EXOC2: variants seen among roughly 807,000 people sequenced by gnomAD.
The protein encoded by EXOC2 is exocyst complex component 2.
A neutral mutation model predicts 131.8 loss-of-function variants in EXOC2; 70 were observed. The ratio of observed to expected loss-of-function variants is 0.53; its 90% CI spans 0.44 to 0.65. EXOC2 has a LOEUF of 0.65. Ranked by LOEUF, EXOC2 falls within the 30% of genes least tolerant of loss-of-function variation. The pLI is 0.00. For missense variants in EXOC2, 923 were observed against 1,108.6 expected (o/e 0.83, Z 2.38); for synonymous variants, 411 against 398.4 (o/e 1.03, Z -0.38).
At chr6:499,775 C>T in intron 23 of EXOC2, 75 bp from the exon 24 acceptor site, 3 of 1,219,968 alleles carry the variant, frequency 2.5e-6, no homozygotes, top group Non-Finnish European at 3.6e-6. Context: ...GCAGGCTGTA[C>T]CCCATGCTTT....
chr6:681,462 TC>T (rs965848586), intron 1 of EXOC2, among the ~76,000 whole-genome samples: 10 of 151,946 alleles, frequency 6.6e-5, no homozygotes, highest in African/African-American at 2.4e-4. Flanking sequence ...GTCTCCTTTC[TC>T]CCCCCACCAA....
rs909723426 is a variant in EXOC2 at position 485,791 on chromosome 6, G to C, written c.*880C>G. ...ATCCTTCAGCAGGTAAGAAGTGGCA[G>C]AGACAGTCACCTGCTGAAGGAGCGG... On this transcript the variant is annotated 3_prime_UTR_variant, in exon 28 of 28. Transcript: ENST00000230449. 1.3e-5 allele frequency: 2 copies of C among 152,252 alleles called. No individual in the cohort carries two copies. The highest frequency in any genetic ancestry group is 4.8e-5 in the African/African-American group (2 of 41,458). 9.4% of individuals were successfully genotyped at this position (152,252 alleles called of 1,614,324 possible). A position where few individuals can be genotyped will look rare whatever the true frequency, so the allele number is the denominator to read the frequency against.
At chr6:650,171 A>G (rs1188026328) in intron 1 of EXOC2, among the ~76,000 whole-genome samples, 4 of 152,256 alleles carry the variant, frequency 2.6e-5, no homozygotes, top group Non-Finnish European at 4.4e-5. Context: ...TGTAATGAAC[A>G]AAAGTATATC....
At chr6:656,316 G>T in intron 1 of EXOC2, 1 of 1,614,168 alleles carries the variant, frequency 6.2e-7, no homozygotes, top group East Asian at 2.2e-5. Context: ...CGACTGGGGA[G>T]GGTTTCCAAG....
chr6:572,481 G>A, intron 13 of EXOC2, 39 bp downstream of exon 13: 1 of 1,579,464 alleles, frequency 6.3e-7, no homozygotes, highest in Non-Finnish European at 8.6e-7. Context: ...GAAATGCACG[G>A]TGACTCAGCT....
Position 551,429 on chromosome 6 carries a change from T to C in EXOC2, c.2122-2138A>G, listed in dbSNP as rs558925099. Among the ~76,000 whole-genome samples, 45 of 152,328 alleles carry C rather than the reference T, an allele frequency of 3.0e-4. No individual in the cohort carries two copies. In the South Asian group the frequency reaches 3.9e-3, roughly 13 times the overall value. On this transcript the variant is annotated intron_variant, in intron 21 of 27. Coordinates refer to ENST00000230449, the MANE Select transcript of EXOC2 (RefSeq NM_018303.6). ...TTGGTCACAAAAAAACACTGGAGAC[T>C]AAGGCAGGAGAGAGGAGGCCCTGCA...
chr6:562,297 CA>C (rs147238283), intron 17 of EXOC2, among the ~76,000 whole-genome samples: 7,046 of 152,286 alleles, frequency 0.046, 256 homozygotes, highest in Non-Finnish European at 0.065. Context: ...CCCGTGAAAT[CA>C]TGAAGATGAT....
chr6:630,532 G>A (rs538046001), intron 3 of EXOC2, among the ~76,000 whole-genome samples: 5 of 152,194 alleles, frequency 3.3e-5, no homozygotes, highest in South Asian at 2.1e-4. Flanking sequence ...ATTTAATACT[G>A]TGAGTTTCTG....
At chr6:488,804 C>T (rs1429659080) in intron 27 of EXOC2, among the ~76,000 whole-genome samples, 175 bp downstream of exon 27, 1 of 152,186 alleles carries the variant, frequency 6.6e-6, no homozygotes, top group Non-Finnish European at 1.5e-5. Context: ...ATGCAAGTTA[C>T]AGGTGACGAG....
intron 22 of EXOC2, among the ~76,000 whole-genome samples, chr6:534,671 T>C (rs1429877936): frequency 1.3e-5 from 2 of 152,226 alleles, no homozygotes; most frequent in African/African-American, 4.8e-5. Context: ...TTTTTGGATA[T>C]GCAAGGGTTC....
intron 27 of EXOC2, among the ~76,000 whole-genome samples, chr6:488,562 ATAC>A (rs926469898): frequency 6.6e-6 from 1 of 152,206 alleles, no homozygotes; most frequent in East Asian, 1.9e-4. Flanking sequence ...CACAAAATAA[ATAC>A]TACTGAATTA....
At chr6:494,767 AATTT>A (rs1422007160) in intron 25 of EXOC2, among the ~76,000 whole-genome samples, 1 of 152,206 alleles carries the variant, frequency 6.6e-6, no homozygotes, top group Non-Finnish European at 1.5e-5. Context: ...CTGTATCAGT[AATTT>A]ATTCTCTTTA....
In EXOC2 at chr6:499,757, C is replaced by T. The variant is rs902621321; in HGVS notation, c.2381-57G>A. The T allele has an allele frequency of 4.2e-6, 6 of 1,427,098 alleles. No individual in the cohort carries two copies. In the African/African-American group the frequency reaches 7.1e-5, roughly 17 times the overall value. 88.4% of individuals were successfully genotyped at this position (1,427,098 alleles called of 1,614,324 possible). A position where few individuals can be genotyped will look rare whatever the true frequency, so the allele number is the denominator to read the frequency against. ...ATTAATAATAACACAAGCTCCCCTC[C>T]CCTGCTGGCAGGCTGTACCCCATGC... On this transcript the variant is annotated intron_variant, in intron 23 of 27. Transcript: ENST00000230449.
At chr6:584,469 G>A (rs1451891829) in intron 11 of EXOC2, among the ~76,000 whole-genome samples, 3 of 152,148 alleles carry the variant, frequency 2.0e-5, no homozygotes, top group African/African-American at 7.2e-5. Context: ...GTATCTTAAG[G>A]TTCTTGGAGT....
chr6:680,168 G>C (rs1258123987), intron 1 of EXOC2, among the ~76,000 whole-genome samples: 1 of 152,068 alleles, frequency 6.6e-6, no homozygotes, highest in Non-Finnish European at 1.5e-5. Context: ...CATGTTGTTT[G>C]TTGAGGGAGC....
chr6:521,967 T>G (rs1395662778), intron 23 of EXOC2, among the ~76,000 whole-genome samples: 1 of 152,228 alleles, frequency 6.6e-6, no homozygotes, highest in African/African-American at 2.4e-5. Context: ...ACTATTAATA[T>G]AAAAAACCCA....
chr6:572,784 G>C lies in EXOC2; in HGVS notation c.1319-140C>G, dbSNP rs938323949. On this transcript the variant is annotated intron_variant, in intron 12 of 27. Coordinates refer to ENST00000230449, the MANE Select transcript of EXOC2 (RefSeq NM_018303.6). ...AGCCTGAGTCTGCGTGGACGCTCGC[G>C]GCCCACCTGGCTGACACCGGCAGCG... 4 of 1,053,222 alleles carry C rather than the reference G, an allele frequency of 3.8e-6. No individual in the cohort carries two copies. In the East Asian group the frequency reaches 9.8e-5, roughly 26 times the overall value. The allele number at this position is 1,053,222 out of a possible 1,614,324, so 65.2% of individuals were successfully genotyped here. A position where few individuals can be genotyped will look rare whatever the true frequency, so the allele number is the denominator to read the frequency against.
chr6:613,070 G>A (rs995688257), intron 6 of EXOC2, among the ~76,000 whole-genome samples: 6 of 152,110 alleles, frequency 3.9e-5, no homozygotes, highest in South Asian at 2.1e-4. Flanking sequence ...GAGGACCAGC[G>A]TGAGCAGTAT....
chr6:603,322 A>T (rs565144748), intron 7 of EXOC2, among the ~76,000 whole-genome samples: 1 of 152,240 alleles, frequency 6.6e-6, no homozygotes, highest in Admixed American at 6.5e-5. Context: ...CCTCAATTTC[A>T]ACAGGCTAGA....
Sources: gnomAD v4.1 joint callset for allele counts (sites outside exome capture counted in the v4.1 genomes callset) on GRCh38, gnomAD v4.1.1 for gene constraint, MANE v1.5 for transcripts, NCBI Gene and HGNC (gene_info 2026-07-23, HGNC 2026-07-21) for gene names.